ENO1: variants seen among roughly 807,000 people sequenced by gnomAD.
ENO1 encodes the protein alpha-enolase.
Under a neutral mutation model 46.3 loss-of-function variants are expected in ENO1, and 33 were observed. The ratio of observed to expected loss-of-function variants is 0.71; its 90% CI spans 0.54 to 0.95. ENO1 has a LOEUF of 0.95. Ranked by LOEUF, ENO1 falls within the 40% of genes least tolerant of loss-of-function variation. ENO1 has a pLI of 0.00. For synonymous variants in ENO1, 220 were observed against 216.0 expected (o/e 1.02, Z -0.16); for missense variants, 488 against 553.3 (o/e 0.88, Z 1.18).
chr1:8,861,494 T>C, intron 11 of ENO1, 65 bp from the exon 12 acceptor site: 1 of 1,571,142 alleles, frequency 6.4e-7, no homozygotes, highest in Non-Finnish European at 8.7e-7. Flanking sequence ...AAGTTTTAAG[T>C]TTTCCCATCC....
chr1:8,864,024 C>A lies in ENO1; in HGVS notation c.934G>T (p.Gly312Ter). The change falls in exon 9 of 12, where the codon GGA becomes TGA. Residue 312 changes from glycine (G) to a stop codon, truncating the protein, a stop_gained. Transcript: ENST00000234590. LOFTEE classifies it high-confidence loss of function. ...AGATCATCCCCCACTACCTGGATTC[C>A]TGCACTGGCTGTGAACTTCTGCCAA... ...GAWQKFTASA[G>*]IQVVGDDLTV... 4 of 1,614,170 alleles carry A rather than the reference C, an allele frequency of 2.5e-6. No homozygotes were observed. Among genetic ancestry groups the A allele is most frequent in the Non-Finnish European group, 3.4e-6 (4 of 1,180,034 alleles).
chr1:8,875,429 T>G lies in ENO1; in HGVS notation c.-9-512A>C, dbSNP rs1290772247. ...GGCCCAGGAGCTGTCTGAAACTGGC[T>G]ATTGTCATGAGTGAACAATGAGGGC... On this transcript the variant is annotated intron_variant, in intron 1 of 11. Transcript: ENST00000234590. 2.0e-5 allele frequency among the ~76,000 whole-genome samples: 3 copies of G among 152,292 alleles called. No homozygotes were observed. The East Asian group carries it at 5.8e-4, about 29-fold the overall frequency.
intron 2 of ENO1, among the ~76,000 whole-genome samples, chr1:8,872,956 T>A (rs1458561066): frequency 6.6e-6 from 1 of 152,148 alleles, no homozygotes; most frequent in Non-Finnish European, 1.5e-5. Context: ...CAATCTTTGG[T>A]GGAGGCAAAA....
intron 1 of ENO1, chr1:8,877,517 AAGC>A (rs1178497342): frequency 6.6e-6 from 1 of 152,350 alleles, no homozygotes; most frequent in Non-Finnish European, 1.5e-5. Flanking sequence ...CCGCCCAGAG[AAGC>A]GCACAGAGCA....
intron 3 of ENO1, 116 bp from the exon 4 acceptor site, chr1:8,870,626 T>C: frequency 6.5e-7 from 1 of 1,539,450 alleles, no homozygotes; most frequent in South Asian, 1.2e-5. Context: ...GGACCTTCTG[T>C]GGGACCTCTT....
chr1:8,862,336 T>C (rs973420244), intron 11 of ENO1, among the ~76,000 whole-genome samples: 1 of 151,326 alleles, frequency 6.6e-6, no homozygotes, highest in African/African-American at 2.4e-5. Flanking sequence ...ATTTCCAGGA[T>C]ACAGTTTGAA....
intron 2 of ENO1, among the ~76,000 whole-genome samples, chr1:8,872,933 C>A (rs964665790): frequency 3.3e-5 from 5 of 152,192 alleles, no homozygotes; most frequent in Non-Finnish European, 7.3e-5. Flanking sequence ...GAAACCTATA[C>A]CTGTAACAAG....
intron 2 of ENO1, 135 bp from the exon 3 acceptor site, chr1:8,872,121 G>A (rs112899083): frequency 2.9e-5 from 20 of 691,958 alleles, no homozygotes; most frequent in Non-Finnish European, 4.8e-5. Context: ...TGAATTAAAC[G>A]CTCTGGGCTG....
chr1:8,871,833 A>G, intron 3 of ENO1, 58 bp downstream of exon 3: 1 of 1,576,280 alleles, frequency 6.3e-7, no homozygotes, highest in South Asian at 1.1e-5. Context: ...AGGACTGGGC[A>G]AGGCCAGGAA....
rs1474027392 is a variant in ENO1 at position 8,863,945 on chromosome 1, T to G, written c.1013A>C (p.Asn338Thr). 10 of 1,613,900 alleles carry G rather than the reference T, an allele frequency of 6.2e-6. No homozygotes were observed. The highest frequency in any genetic ancestry group is 8.5e-6 in the Non-Finnish European group (10 of 1,180,012). The change falls in exon 9 of 12, where the codon AAC becomes ACC. Residue 338 changes from asparagine (N) to threonine (T), a missense_variant. Transcript: ENST00000234590. ...CTGGTTGACTTTGAGCAGGAGGCAG[T>G]TGCAGGACTTCTCGTTCACGGCCTT... Reference protein sequence around the residue: ...IAKAVNEKSCNCLLLKVNQIG... With the variant: ...IAKAVNEKSCTCLLLKVNQIG...
chr1:8,872,116 T>A, intron 2 of ENO1, 130 bp from the exon 3 acceptor site: 1 of 724,598 alleles, frequency 1.4e-6, no homozygotes. Context: ...CTGTGTGAAT[T>A]AAACGCTCTG....
Position 8,867,193 on chromosome 1 carries a change from G to A in ENO1, c.368C>T (p.Ala123Val). ...GVSLAVCKAG[A>V]VEKGVPLYRH... ...GTACAGGGGGACCCCCTTCTCAACG[G>A]CACCAGCTTTGCAGACGGCAAGGGA... The change falls in exon 6 of 12, where the codon GCC (alanine) becomes GTC (valine). Residue 123 changes from alanine (A) to valine (V), a missense_variant. Ala to Val is a moderately conservative substitution (Grantham distance 64). Coordinates refer to ENST00000234590, the MANE Select transcript of ENO1 (RefSeq NM_001428.5). 6.2e-7 allele frequency: 1 copy of A among 1,614,208 alleles called. No homozygotes were observed. Among genetic ancestry groups the A allele is most frequent in the Non-Finnish European group, 8.5e-7 (1 of 1,180,048 alleles).
chr1:8,870,209 G>A (rs1449362599), intron 4 of ENO1: 11 of 533,964 alleles, frequency 2.1e-5, no homozygotes, highest in Middle Eastern at 5.0e-4. Context: ...TTGCAGGGGG[G>A]AAGAAACCTC....
intron 11 of ENO1, 139 bp downstream of exon 11, chr1:8,862,748 G>T: frequency 3.2e-6 from 3 of 944,140 alleles, no homozygotes; most frequent in African/African-American, 1.7e-5. Context: ...CCTGCTCAGG[G>T]CCTGGCTGTC....
intron 1 of ENO1, among the ~76,000 whole-genome samples, chr1:8,875,197 C>T (rs1049007069): frequency 6.6e-6 from 1 of 151,852 alleles, no homozygotes; most frequent in East Asian, 1.9e-4. Context: ...TACTTTTATC[C>T]GACTGCTCAA....
Position 8,866,373 on chromosome 1 carries a change from G to A in ENO1, c.573C>T (p.Asn191=). Residue 191 remains asparagine, a synonymous_variant, in exon 7 of 12, where the codon AAC becomes AAT. Transcript: ENST00000234590. The stretch of plus-strand genomic sequence containing the variant: ...ATTTCTCCTTGATGACATTCTTCAG[G>A]TTGTGGTAAACCTCTGCTCCAATGC... ...AMRIGAEVYH[N]LKNVIKEKYG... is the part of the protein sequence containing the mutation. 1 of 1,614,180 alleles carries A rather than the reference G, an allele frequency of 6.2e-7. No homozygotes were observed. Among genetic ancestry groups the A allele is most frequent in the Non-Finnish European group, 8.5e-7 (1 of 1,180,042 alleles).
intron 1 of ENO1, among the ~76,000 whole-genome samples, chr1:8,877,152 T>C (rs950689708): frequency 6.6e-6 from 1 of 151,762 alleles, no homozygotes; most frequent in African/African-American, 2.4e-5. Context: ...AGAGATGGGG[T>C]TTAGTAGAGT....
rs568152884 is a variant in ENO1 at position 8,866,143 on chromosome 1, C to T, written c.667+136G>A. ...AAGCTCCCCTTTTCCTCCTTAAAAC[C>T]GTTTGAAGGGTCTTGATCTTTACAA... is the stretch of plus-strand genomic sequence containing the variant. On this transcript the variant is annotated intron_variant, in intron 7 of 11. Transcript: ENST00000234590. 6.5e-5 allele frequency: 46 copies of T among 703,624 alleles called. No homozygotes were observed. The South Asian group carries it at 8.2e-4, about 12-fold the overall frequency. The allele number at this position is 703,624 out of a possible 1,614,324, so 43.6% of individuals were successfully genotyped here. A position where few individuals can be genotyped will look rare whatever the true frequency, so the allele number is the denominator to read the frequency against.
At chr1:8,872,083 G>A (rs28931272) in intron 2 of ENO1, 97 bp from the exon 3 acceptor site, 1 of 1,013,914 alleles carries the variant, frequency 9.9e-7, no homozygotes, top group Non-Finnish European at 1.5e-6. Context: ...TGTCATTAGG[G>A]AGCTGTTTCT....
Sources: gnomAD v4.1 joint callset for allele counts (sites outside exome capture counted in the v4.1 genomes callset) on GRCh38, gnomAD v4.1.1 for gene constraint, MANE v1.5 for transcripts, NCBI Gene and HGNC (gene_info 2026-07-23, HGNC 2026-07-21) for gene names.